Variants in ITGB8 observed in about 807,000 individuals in gnomAD.
The protein encoded by ITGB8 is integrin subunit beta 8.
Under a neutral mutation model 89.5 loss-of-function variants are expected in ITGB8, and 30 were observed. The observed-to-expected ratio is 0.34, with a 90% CI of 0.25 to 0.45. The LOEUF (loss-of-function observed/expected upper bound fraction) is 0.45, where lower values mean the gene tolerates loss of function less well. ITGB8 is among the 20% of genes least tolerant of loss of function. The probability of loss-of-function intolerance (pLI) is 1.00; values close to 1 mark genes in which losing one functional copy is unlikely to be tolerated. For missense variants in ITGB8, 836 were observed against 933.3 expected (o/e 0.90, Z 1.36); for synonymous variants, 335 against 320.4 (o/e 1.05, Z -0.49).
intron 6 of ITGB8, among the ~76,000 whole-genome samples, chr7:20,389,775 A>G (rs2127971401): frequency 6.6e-6 from 1 of 151,904 alleles, no homozygotes; most frequent in East Asian, 1.9e-4. Context: ...ATCTATTTTA[A>G]GATTATGCCT....
chr7:20,366,880 T>C (rs1785718935), intron 2 of ITGB8, 132 bp from the exon 3 acceptor site: 1 of 599,658 alleles, frequency 1.7e-6, no homozygotes, highest in Non-Finnish European at 2.8e-6. Flanking sequence ...CTTGTAGAAA[T>C]AGTAAAAACA....
chr7:20,333,719 C>T (rs1784488761), intron 1 of ITGB8, among the ~76,000 whole-genome samples: 2 of 152,132 alleles, frequency 1.3e-5, no homozygotes, highest in African/African-American at 4.8e-5. Context: ...AAAGGGAATG[C>T]TTATCTGAAA....
chr7:20,338,995 C>G (rs1784664460), intron 1 of ITGB8, among the ~76,000 whole-genome samples: 1 of 151,946 alleles, frequency 6.6e-6, no homozygotes, highest in African/African-American at 2.4e-5. Context: ...AGTTCGAGAC[C>G]AGCCTGGTGA....
Position 20,379,274 on chromosome 7 carries a change from C to A in ITGB8, c.612C>A (p.Pro204=), listed in dbSNP as rs756469815. The A allele has an allele frequency of 2.5e-6, 4 of 1,601,508 alleles. No homozygotes were observed. Among genetic ancestry groups the A allele is most frequent in the Non-Finnish European group, 3.4e-6 (4 of 1,173,364 alleles). Residue 204 remains proline, a synonymous_variant, in exon 4 of 14, where the codon CCC becomes CCA. Transcript: ENST00000222573. Reference sequence around the variant, plus strand: ...TTTCACCATACATTAGCATCCACCCCGAAAGGATTCATAATCAATGCAGGT... The same window carrying A: ...TTTCACCATACATTAGCATCCACCCAGAAAGGATTCATAATCAATGCAGGT... ...KTVSPYISIH[P]ERIHNQCSDY...
chr7:20,337,658 G>A (rs901395200), intron 1 of ITGB8, among the ~76,000 whole-genome samples: 4 of 152,120 alleles, frequency 2.6e-5, no homozygotes, highest in African/African-American at 4.8e-5. Context: ...CCAGAATTCC[G>A]ATCTGTGTGG....
At chr7:20,335,081 C>G (rs1256073599) in intron 1 of ITGB8, among the ~76,000 whole-genome samples, 1 of 152,142 alleles carries the variant, frequency 6.6e-6, no homozygotes. Flanking sequence ...TGCTGGTACC[C>G]AATTCACCCC....
Position 20,367,162 on chromosome 7 carries a change from GA to G in ITGB8, c.366del (p.Val123CysfsTer15). 6.2e-7 allele frequency: 1 copy of G among 1,612,184 alleles called. No homozygotes were observed. Among genetic ancestry groups the G allele is most frequent in the Non-Finnish European group, 8.5e-7 (1 of 1,178,658 alleles). On this transcript the variant is annotated frameshift_variant, in exon 3 of 14. Coordinates refer to ENST00000222573, the MANE Select transcript of ITGB8 (RefSeq NM_002214.3). LOFTEE classifies it high-confidence loss of function. ...NEINTQVTPG[E>X]VSIQLRPGAE... is the part of the protein sequence containing the mutation. ...AATTAATACCCAGGTGACACCAGGA[GA>G]AGTGTCTATCCAGCTGCGTCCAGGT...
At chr7:20,376,054 C>A (rs960191197) in intron 3 of ITGB8, among the ~76,000 whole-genome samples, 4 of 152,120 alleles carry the variant, frequency 2.6e-5, no homozygotes, top group Admixed American at 2.6e-4. Context: ...AGCAATCATT[C>A]CCCTTCCCTT....
chr7:20,375,854 T>C (rs1197112517), intron 3 of ITGB8, among the ~76,000 whole-genome samples: 3 of 152,170 alleles, frequency 2.0e-5, no homozygotes, highest in African/African-American at 7.2e-5. Context: ...TAATACCTGA[T>C]AGTTGGAATA....
intron 9 of ITGB8, among the ~76,000 whole-genome samples, chr7:20,400,779 T>A (rs1787277172): frequency 6.6e-6 from 1 of 152,210 alleles, no homozygotes; most frequent in African/African-American, 2.4e-5. Flanking sequence ...ATAACCTGTG[T>A]TGAGGTCTTA....
chr7:20,401,609 C>T (rs1287944170), intron 9 of ITGB8, 112 bp from the exon 10 acceptor site: 5 of 602,528 alleles, frequency 8.3e-6, no homozygotes, highest in South Asian at 6.7e-5. Context: ...TTACAAATAT[C>T]GTTAATTTCT....
chr7:20,392,183 A>G lies in ITGB8; in HGVS notation c.1056+685A>G, dbSNP rs536418666. On this transcript the variant is annotated intron_variant, in intron 7 of 13. Coordinates refer to ENST00000222573, the MANE Select transcript of ITGB8 (RefSeq NM_002214.3). ...ACAATCTTTAAGGCTCTTTCTTCCT[A>G]GAAACTCTCTTGTTCTCATTTTCAT... is the stretch of plus-strand genomic sequence containing the variant. Among the ~76,000 whole-genome samples the G allele has an allele frequency of 2.6e-5, 4 of 152,200 alleles. No homozygotes were observed. In the South Asian group the frequency reaches 8.3e-4, roughly 32 times the overall value.
At position 20,406,105 on chromosome 7, in the gene ITGB8, A is replaced by G. The variant is rs1562705448; in HGVS notation, c.1957A>G (p.Ile653Val). 7 of 1,613,472 alleles carry G rather than the reference A, an allele frequency of 4.3e-6. No individual in the cohort carries two copies. Among genetic ancestry groups the G allele is most frequent in the African/African-American group, 1.3e-5 (1 of 74,900 alleles). ...CLHPHNLSQA[I>V]LDQCKTSCAL... ...TCACCCTCACAATTTGTCTCAGGCT[A>G]TACTTGATCAGTGCAAAACCTCATG... is the stretch of plus-strand genomic sequence containing the variant. Residue 653 changes from isoleucine to valine, a missense_variant, in exon 12 of 14, where the codon ATA becomes GTA. Coordinates refer to ENST00000222573, the MANE Select transcript of ITGB8 (RefSeq NM_002214.3).
chr7:20,403,003 A>C (rs1353388768), intron 10 of ITGB8, among the ~76,000 whole-genome samples: 1 of 152,220 alleles, frequency 6.6e-6, no homozygotes, highest in East Asian at 1.9e-4. Flanking sequence ...GTAAATAAAT[A>C]TTTGTTAAAT....
Position 20,379,107 on chromosome 7 carries a change from C to T in ITGB8, c.445C>T (p.Leu149Phe), listed in dbSNP as rs755782140. ...VHPLKKYPVD[L>F]YYLVDVSASM... ...TCCTCTGAAGAAATATCCTGTGGAT[C>T]TTTATTATCTTGTTGATGTCTCAGC... Residue 149 changes from leucine (L) to phenylalanine (F), a missense_variant, in exon 4 of 14, where the codon CTT (leucine) becomes TTT (phenylalanine). Leu to Phe is a conservative substitution (Grantham distance 22). Around this residue, in one of 5 missense-constraint regions of ITGB8, gnomAD observed 38 missense variants for 52.2 expected, o/e 0.73. Coordinates refer to ENST00000222573, the MANE Select transcript of ITGB8 (RefSeq NM_002214.3). 3.1e-6 allele frequency: 5 copies of T among 1,595,708 alleles called. No homozygotes were observed. The highest frequency in any genetic ancestry group is 1.1e-5 in the South Asian group (1 of 89,018).
chr7:20,394,496 T>C lies in ITGB8; in HGVS notation c.1057-400T>C, dbSNP rs529107730. On this transcript the variant is annotated intron_variant, in intron 7 of 13. Transcript: ENST00000222573. ...TACTCTGAAACTTTTAATTTGCAAA[T>C]GTGCATTTTATGTTTCTAAGTGGAA... 3.3e-5 allele frequency among the ~76,000 whole-genome samples: 5 copies of C among 152,330 alleles called. No individual in the cohort carries two copies. In the East Asian group the frequency reaches 9.6e-4, roughly 29 times the overall value.
At chr7:20,386,685 A>G (rs1786642259) in intron 6 of ITGB8, among the ~76,000 whole-genome samples, 3 of 152,130 alleles carry the variant, frequency 2.0e-5, no homozygotes. Flanking sequence ...TGAAAGCAAA[A>G]TTGCATGTAG....
rs780580519 is a variant in ITGB8 at position 20,404,720 on chromosome 7, G to T, written c.1780G>T (p.Val594Phe). 2 of 1,614,214 alleles carry T rather than the reference G, an allele frequency of 1.2e-6. No homozygotes were observed. Among genetic ancestry groups the T allele is most frequent in the Non-Finnish European group, 1.7e-6 (2 of 1,180,038 alleles). The change falls in exon 11 of 14, where the codon GTC becomes TTC. Residue 594 changes from valine (V) to phenylalanine (F), a missense_variant. Physicochemically the swap from Val to Phe is conservative, Grantham distance 50 (BLOSUM62 -1). Coordinates refer to ENST00000222573, the MANE Select transcript of ITGB8 (RefSeq NM_002214.3). ...CCCTTCAGCAGCAGCCCAGCACTGT[G>T]TCAATTCAAAGGGCCAAGTGTGCAG... ...QCPSAAAQHC[V>F]NSKGQVCSGR... is the part of the protein sequence containing the mutation.
At chr7:20,343,889 G>C (rs773420370) in intron 1 of ITGB8, among the ~76,000 whole-genome samples, 1 of 152,144 alleles carries the variant, frequency 6.6e-6, no homozygotes, top group Non-Finnish European at 1.5e-5. Flanking sequence ...TAATATGTGT[G>C]TGTACACTTT....
Sources: gnomAD v4.1 joint callset for allele counts (sites outside exome capture counted in the v4.1 genomes callset) on GRCh38, gnomAD v4.1.1 for gene constraint, gnomAD v4.1.1 regional missense constraint, MANE v1.5 for transcripts, NCBI Gene and HGNC (gene_info 2026-07-23, HGNC 2026-07-21) for gene names.